The following CDC42 variants were observed in gnomAD, a reference collection of about 807,000 sequenced individuals.
CDC42 encodes cell division control protein 42 homolog.
CDC42 carries 1 observed loss-of-function variant against 20.8 expected under a neutral mutation model. That is an observed-to-expected ratio of 0.05 (90% CI 0.02 to 0.23). CDC42 has a LOEUF of 0.23. Ranked by LOEUF, CDC42 falls within the 10% of genes least tolerant of loss-of-function variation. CDC42 has a pLI of 1.00. For missense variants in CDC42, 49 were observed against 227.9 expected (o/e 0.21, Z 5.05); for synonymous variants, 72 against 84.8 (o/e 0.85, Z 0.83).
At chr1:22,056,391 A>G (rs1645305107) in intron 1 of CDC42, among the ~76,000 whole-genome samples, 1 of 152,198 alleles carries the variant, frequency 6.6e-6, no homozygotes, top group African/African-American at 2.4e-5. Flanking sequence ...CATCACTTAG[A>G]AAATCTGTGA....
At chr1:22,065,544 A>AATAAGGTGCC (rs1313329187) in intron 1 of CDC42, among the ~76,000 whole-genome samples, 1 of 152,190 alleles carries the variant, frequency 6.6e-6, no homozygotes, top group Non-Finnish European at 1.5e-5. Context: ...TTTGCGTAAG[A>AATAAGGTGCC]ATAAGGTGCC....
At chr1:22,063,202 T>G (rs1645385771) in intron 1 of CDC42, among the ~76,000 whole-genome samples, 1 of 152,134 alleles carries the variant, frequency 6.6e-6, no homozygotes, top group Non-Finnish European at 1.5e-5. Context: ...TTATTTTAGA[T>G]TACTCTCCCA....
At chr1:22,085,244 A>AGAAAAG (rs1553195979) in intron 3 of CDC42, among the ~76,000 whole-genome samples, 5 of 135,956 alleles carry the variant, frequency 3.7e-5, no homozygotes, top group East Asian at 2.1e-4. Flanking sequence ...AAAAAAAAAA[A>AGAAAAG]AAAAGAAAAA....
chr1:22,054,589 A>G (rs1185986098), intron 1 of CDC42, among the ~76,000 whole-genome samples: 2 of 152,104 alleles, frequency 1.3e-5, no homozygotes, highest in Non-Finnish European at 2.9e-5. Flanking sequence ...TGTTGTAAAG[A>G]TAATTCATGT....
At chr1:22,054,803 T>C (rs1228331161) in intron 1 of CDC42, among the ~76,000 whole-genome samples, 1 of 150,520 alleles carries the variant, frequency 6.6e-6, no homozygotes, top group African/African-American at 2.4e-5. Context: ...ACATCTGCCT[T>C]ATTTTCTTGA....
At chr1:22,062,382 T>A (rs1645375891) in intron 1 of CDC42, among the ~76,000 whole-genome samples, 1 of 152,224 alleles carries the variant, frequency 6.6e-6, no homozygotes, top group African/African-American at 2.4e-5. Context: ...CTCATAACTT[T>A]TAAAAGAAAG....
intron 5 of CDC42, 102 bp from the exon 6 acceptor site, chr1:22,091,326 T>G (rs1645713565): frequency 1.4e-6 from 1 of 715,554 alleles, no homozygotes; most frequent in South Asian, 1.8e-5. Flanking sequence ...TTAATGTTTC[T>G]TTCTTTGCCA....
At chr1:22,068,296 T>C (rs561522958) in intron 1 of CDC42, 1 of 153,436 alleles carries the variant, frequency 6.5e-6, no homozygotes, top group East Asian at 1.9e-4. Flanking sequence ...TGCTGCTAAC[T>C]TTCACAAGGC....
chr1:22,088,676 G>A (rs1263180675), intron 5 of CDC42, among the ~76,000 whole-genome samples: 1 of 152,144 alleles, frequency 6.6e-6, no homozygotes, highest in Non-Finnish European at 1.5e-5. Context: ...AAGCAAGAAA[G>A]GAATTCCTTC....
chr1:22,084,381 G>A (rs538872955), intron 3 of CDC42, among the ~76,000 whole-genome samples: 1 of 118,820 alleles, frequency 8.4e-6, no homozygotes, highest in South Asian at 2.9e-4. Flanking sequence ...ATCCTAATTA[G>A]TGTGAGGTGG....
chr1:22,054,229 G>T (rs556703795), intron 1 of CDC42, among the ~76,000 whole-genome samples: 4 of 152,062 alleles, frequency 2.6e-5, no homozygotes, highest in African/African-American at 9.6e-5. Context: ...TCTCAAAGAC[G>T]TTACTAAATA....
chr1:22,073,130 G>A (rs1285285883), intron 1 of CDC42, among the ~76,000 whole-genome samples: 1 of 152,146 alleles, frequency 6.6e-6, no homozygotes, highest in Non-Finnish European at 1.5e-5. Context: ...CAATCATAAT[G>A]ATACCATAGA....
chr1:22,077,233 A>G (rs891318030), intron 1 of CDC42, among the ~76,000 whole-genome samples: 1 of 152,162 alleles, frequency 6.6e-6, no homozygotes, highest in Non-Finnish European at 1.5e-5. Flanking sequence ...TACTCACACT[A>G]ATGTAGTTTC....
At chr1:22,073,249 G>A (rs12076342) in intron 1 of CDC42, among the ~76,000 whole-genome samples, 1,680 of 152,166 alleles carry the variant, frequency 0.011, 30 homozygotes, top group African/African-American at 0.038. Context: ...TTAAGAACCT[G>A]GAAGAGGCCA....
rs1052974243 is a variant in CDC42 at position 22,098,642 on chromosome 1, G to C, written c.*7125G>C. 1.3e-5 allele frequency among the ~76,000 whole-genome samples: 2 copies of C among 152,162 alleles called. No individual in the cohort carries two copies. The highest frequency in any genetic ancestry group is 4.8e-5 in the African/African-American group (2 of 41,428). ...TTTTTAGAGGCATCACTTCTTTAAA[G>C]CCCATCAGATTAATGTGCCATTGGT... On this transcript the variant is annotated 3_prime_UTR_variant, in exon 6 of 6. Coordinates refer to ENST00000656825, the MANE Select transcript of CDC42 (RefSeq NM_001791.4).
At chr1:22,070,842 T>C (rs1362465016) in intron 1 of CDC42, among the ~76,000 whole-genome samples, 1 of 151,858 alleles carries the variant, frequency 6.6e-6, no homozygotes, top group Non-Finnish European at 1.5e-5. Context: ...TTCCAGCCAA[T>C]AAAAACCGGA....
At position 22,083,404 on chromosome 1, in the gene CDC42, A is replaced by C. The variant is rs1189307808; in HGVS notation, c.178+1610A>C. On this transcript the variant is annotated intron_variant, in intron 3 of 5. Transcript: ENST00000656825. ...GTTCACCTGAGGTCAGGAGTTTGAG[A>C]CCAGCCTGGCCAGTATGGTGAAACC... Among the ~76,000 whole-genome samples the C allele has an allele frequency of 3.3e-5, 5 of 151,430 alleles. No homozygotes were observed. The East Asian group carries it at 9.8e-4, about 30-fold the overall frequency.
intron 1 of CDC42, among the ~76,000 whole-genome samples, chr1:22,054,891 G>GTATATATATATATATATA (rs1157685736): frequency 2.8e-5 from 2 of 71,884 alleles, no homozygotes; most frequent in South Asian, 5.4e-4. Context: ...TTGAATTTAT[G>GTATATATATATATATATA]TATATATATA....
chr1:22,069,051 G>A (rs1645454006), intron 1 of CDC42, among the ~76,000 whole-genome samples: 2 of 152,088 alleles, frequency 1.3e-5, no homozygotes, highest in Admixed American at 6.6e-5. Flanking sequence ...ATAGGACAAA[G>A]CTTGGCACGT....
Sources: gnomAD v4.1 joint callset for allele counts (sites outside exome capture counted in the v4.1 genomes callset) on GRCh38, gnomAD v4.1.1 for gene constraint, MANE v1.5 for transcripts, NCBI Gene and HGNC (gene_info 2026-07-23, HGNC 2026-07-21) for gene names.